The following BEST1 variants were observed in gnomAD, a reference collection of about 807,000 sequenced individuals.
The protein encoded by BEST1 is bestrophin-1.
BEST1 carries 58 observed loss-of-function variants against 63.3 expected under a neutral mutation model. The ratio of observed to expected loss-of-function variants is 0.92; its 90% CI spans 0.74 to 1.14. BEST1 has a LOEUF of 1.14. Among genes scored for constraint, BEST1 ranks in the 50% most tolerant of loss-of-function variants. BEST1 has a pLI of 0.00. For synonymous variants in BEST1, 283 were observed against 291.6 expected (o/e 0.97, Z 0.30); for missense variants, 671 against 740.1 (o/e 0.91, Z 1.08).
In BEST1 at chr11:61,955,714, C is replaced by T; in HGVS notation, c.248-4C>T. 1 of 1,547,878 alleles carries T rather than the reference C, an allele frequency of 6.5e-7. No individual in the cohort carries two copies. The highest frequency in any genetic ancestry group is 8.7e-7 in the Non-Finnish European group (1 of 1,146,662). On this transcript the variant is annotated splice_polypyrimidine_tract_variant and splice_region_variant and intron_variant, in intron 3 of 10. Coordinates refer to ENST00000378043, the MANE Select transcript of BEST1 (RefSeq NM_004183.4). Reference sequence around the variant, plus strand: ...GCCCCTCGCCCCCCGCCCCTCCTGCCCAGGCTTCTACGTGACGCTGGTCGT... The same window carrying T: ...GCCCCTCGCCCCCCGCCCCTCCTGCTCAGGCTTCTACGTGACGCTGGTCGT...
intron 2 of BEST1, among the ~76,000 whole-genome samples, chr11:61,952,570 GATTCTC>G (rs1940822834): frequency 6.8e-6 from 1 of 147,288 alleles, no homozygotes; most frequent in Non-Finnish European, 1.5e-5. Context: ...AGGTGCAAGC[GATTCTC>G]CTGCCTTAGC....
At chr11:61,955,993 A>AG (rs1169271709) in intron 4 of BEST1, 42 bp downstream of exon 4, 3 of 1,522,146 alleles carry the variant, frequency 2.0e-6, no homozygotes, top group Admixed American at 2.0e-5. Flanking sequence ...GGGCAGAGCC[A>AG]GGGGCCGAGA....
At chr11:61,963,532 C>A in intron 10 of BEST1, 1 of 1,033,036 alleles carries the variant, frequency 9.7e-7, no homozygotes, top group Non-Finnish European at 1.2e-6. Context: ...TGGACACTTT[C>A]ACCCAATTAT....
intron 2 of BEST1, among the ~76,000 whole-genome samples, chr11:61,952,631 TA>T (rs1267324434): frequency 9.6e-6 from 1 of 104,656 alleles, no homozygotes; most frequent in Non-Finnish European, 1.7e-5. Flanking sequence ...CACGCCTGGC[TA>T]ATTTTTTTTT....
At chr11:61,955,250 C>A in intron 3 of BEST1, 49 bp downstream of exon 3, 1 of 1,613,878 alleles carries the variant, frequency 6.2e-7, no homozygotes. Context: ...CGCCCAGGCT[C>A]CAGACAGGCC....
chr11:61,958,951 G>GC (rs537297948), intron 7 of BEST1: 252 of 210,162 alleles, frequency 1.2e-3, no homozygotes, highest in African/African-American at 5.8e-3. Context: ...AATTCCCCCT[G>GC]CCCCCCCAGT....
rs933520843 is a variant in BEST1, at chr11:61,962,580, C to T, written c.1426C>T (p.Pro476Ser). ...CCCACAGACGCCCCTCAGCCCCACT[C>T]CCATGTTCTTCCCCCTAGAACCATC... ...SAPQTPLSPT[P>S]MFFPLEPSAP... The change falls in exon 10 of 11, where the codon CCC becomes TCC. Residue 476 changes from proline (P) to serine (S), a missense_variant. Coordinates refer to ENST00000378043, the MANE Select transcript of BEST1 (RefSeq NM_004183.4). The T allele has an allele frequency of 5.0e-6, 8 of 1,614,062 alleles. No homozygotes were observed. The highest frequency in any genetic ancestry group is 6.8e-6 in the Non-Finnish European group (8 of 1,180,020).
At chr11:61,963,685 G>A in intron 10 of BEST1, 1 of 1,080,438 alleles carries the variant, frequency 9.3e-7, no homozygotes, top group Non-Finnish European at 1.1e-6. Context: ...CTTGCTTCTA[G>A]GGCTAGACAG....
chr11:61,952,030 C>T (rs1205990277), intron 2 of BEST1, 72 bp downstream of exon 2: 9 of 1,555,446 alleles, frequency 5.8e-6, no homozygotes, highest in African/African-American at 1.4e-5. Flanking sequence ...TGGGGGCCTC[C>T]CAGCCAGCTC....
Position 61,955,089 on chromosome 11 carries a change from C to T in BEST1, c.153-18C>T, listed in dbSNP as rs568192399. The T allele has an allele frequency of 1.3e-6, 2 of 1,501,084 alleles. No homozygotes were observed. The highest frequency in any genetic ancestry group is 4.5e-5 in the East Asian group (2 of 44,196). The allele number at this position is 1,501,084 out of a possible 1,614,324, so 93.0% of individuals were successfully genotyped here. ...CCTCGCTGCGTCCACACAATTCCACCCCCACCCCCACCCCCAGGCTGGCCC... is the reference window on the plus strand; with the variant it reads ...CCTCGCTGCGTCCACACAATTCCACTCCCACCCCCACCCCCAGGCTGGCCC... On this transcript the variant is annotated intron_variant, in intron 2 of 10. Coordinates refer to ENST00000378043, the MANE Select transcript of BEST1 (RefSeq NM_004183.4).
chr11:61,963,528 C>T (rs769655253), intron 10 of BEST1: 17 of 1,035,020 alleles, frequency 1.6e-5, no homozygotes, highest in African/African-American at 6.8e-5. Context: ...TTCCTGGACA[C>T]TTTCACCCAA....
Position 61,951,917 on chromosome 11 carries a change from A to G in BEST1, c.111A>G (p.Leu37=), listed in dbSNP as rs770760912. ...ACAAGCTGCTATATGGCGAGTTCTTAATCTTCCTGCTCTGCTACTACATCA... is the reference window on the plus strand; with the variant it reads ...ACAAGCTGCTATATGGCGAGTTCTTGATCTTCCTGCTCTGCTACTACATCA... The part of the protein sequence containing the change: ...SIYKLLYGEF[L]IFLLCYYIIR... Residue 37 remains leucine, a synonymous_variant, in exon 2 of 11, where the codon TTA becomes TTG. Coordinates refer to ENST00000378043, the MANE Select transcript of BEST1 (RefSeq NM_004183.4). The G allele has an allele frequency of 5.6e-6, 9 of 1,613,630 alleles. No individual in the cohort carries two copies. Among genetic ancestry groups the G allele is most frequent in the Non-Finnish European group, 7.6e-6 (9 of 1,179,934 alleles).
At chr11:61,957,040 G>A in intron 5 of BEST1, 42 bp downstream of exon 5, 1 of 1,613,486 alleles carries the variant, frequency 6.2e-7, no homozygotes, top group Non-Finnish European at 8.5e-7. Flanking sequence ...GAGTGGGAAG[G>A]GCTGTGGTCC....
At chr11:61,963,251 G>T (rs1211954251) in intron 10 of BEST1, 1 of 1,380,748 alleles carries the variant, frequency 7.2e-7, no homozygotes, top group Non-Finnish European at 9.3e-7. Context: ...TTTGAGCAAG[G>T]GTGGCTGACC....
intron 10 of BEST1, chr11:61,963,236 C>A: frequency 7.2e-7 from 1 of 1,389,280 alleles, no homozygotes; most frequent in Non-Finnish European, 9.3e-7. Context: ...CTGGCCCCAA[C>A]TTACTTTGAG....
At chr11:61,955,319 C>A in intron 3 of BEST1, 118 bp downstream of exon 3, 1 of 1,555,538 alleles carries the variant, frequency 6.4e-7, no homozygotes, top group Non-Finnish European at 8.7e-7. Flanking sequence ...GGAACGCCAG[C>A]GGCAGGTCGG....
intron 4 of BEST1, 42 bp from the exon 5 acceptor site, chr11:61,956,802 G>A: frequency 6.2e-7 from 1 of 1,612,924 alleles, no homozygotes. Flanking sequence ...CATCCCTTCT[G>A]CAGGTTCTCC....
chr11:61,960,337 G>A, intron 9 of BEST1: 1 of 515,258 alleles, frequency 1.9e-6, no homozygotes, highest in Non-Finnish European at 3.5e-6. Flanking sequence ...TGATGCAGTG[G>A]AACGTTAGGA....
chr11:61,962,198 G>A (rs1942135394), intron 9 of BEST1, 57 bp from the exon 10 acceptor site: 1 of 1,591,432 alleles, frequency 6.3e-7, no homozygotes, highest in South Asian at 1.1e-5. Context: ...GAGAAGTAAG[G>A]CCAGGTGTTG....
Sources: gnomAD v4.1 joint callset for allele counts (sites outside exome capture counted in the v4.1 genomes callset) on GRCh38, gnomAD v4.1.1 for gene constraint, MANE v1.5 for transcripts, NCBI Gene and HGNC (gene_info 2026-07-23, HGNC 2026-07-21) for gene names.